The following RORA variants were observed in gnomAD, a reference collection of about 807,000 sequenced individuals.
The protein encoded by RORA is nuclear receptor ROR-alpha.
RORA carries 7 observed loss-of-function variants against 69.5 expected under a neutral mutation model. That is an observed-to-expected ratio of 0.10 (90% CI 0.06 to 0.19). The LOEUF (loss-of-function observed/expected upper bound fraction) is 0.19. Ranked by LOEUF, RORA falls within the 10% of genes least tolerant of loss-of-function variation. The pLI, the probability that RORA is intolerant of heterozygous loss-of-function variation, is 1.00. For synonymous variants in RORA, 261 were observed against 240.8 expected, an observed-to-expected ratio of 1.08 and a Z score of -0.78; for missense variants, 457 against 663.0, an observed-to-expected ratio of 0.69 and a Z score of 3.41.
intron 2 of RORA, among the ~76,000 whole-genome samples, chr15:60,654,621 G>A (rs964680741): frequency 5.9e-5 from 9 of 152,192 alleles, no homozygotes; most frequent in East Asian, 3.9e-4. Flanking sequence ...TTGCAGCTGT[G>A]ATTAAATTAA....
chr15:60,950,126 C>G (rs1205333165), intron 1 of RORA, among the ~76,000 whole-genome samples: 1 of 151,302 alleles, frequency 6.6e-6, no homozygotes, highest in Non-Finnish European at 1.5e-5. Flanking sequence ...AGAGTAGGGG[C>G]CAATATTCAA....
intron 1 of RORA, among the ~76,000 whole-genome samples, chr15:61,159,259 C>G (rs549200769): frequency 2.0e-5 from 3 of 152,278 alleles, no homozygotes; most frequent in South Asian, 4.2e-4. Flanking sequence ...CGAGACACAT[C>G]TCTCCCTATA....
intron 1 of RORA, among the ~76,000 whole-genome samples, chr15:60,780,919 T>C (rs1184363148): frequency 6.6e-6 from 1 of 152,228 alleles, no homozygotes; most frequent in Middle Eastern, 3.2e-3. Context: ...CCAGGGGTCA[T>C]GCAATCTTCC....
chr15:61,053,848 G>GATATATATAT (rs3053963), intron 1 of RORA, among the ~76,000 whole-genome samples: 3,025 of 90,712 alleles, frequency 0.033, 513 homozygotes, highest in Non-Finnish European at 0.04. Context: ...TAGACTTCAT[G>GATATATATAT]ATATATATAT....
At chr15:60,597,338 T>A (rs909248311) in intron 2 of RORA, among the ~76,000 whole-genome samples, 1 of 150,706 alleles carries the variant, frequency 6.6e-6, no homozygotes, top group Non-Finnish European at 1.5e-5. Flanking sequence ...TTCACAGGCA[T>A]ACAGAGCTGA....
intron 2 of RORA, among the ~76,000 whole-genome samples, chr15:60,640,098 G>A (rs1430875374): frequency 6.6e-6 from 1 of 152,174 alleles, no homozygotes; most frequent in Admixed American, 6.5e-5. Context: ...CTCTGAGCCT[G>A]AGAGTCCTCA....
At chr15:60,654,979 T>G (rs1488190650) in intron 2 of RORA, among the ~76,000 whole-genome samples, 1 of 152,200 alleles carries the variant, frequency 6.6e-6, no homozygotes, top group Non-Finnish European at 1.5e-5. Context: ...GTCCCGAGTT[T>G]GTGGTATTTT....
Position 60,644,541 on chromosome 15 carries a change from G to A in RORA, c.196+34116C>T, listed in dbSNP as rs116228990. On this transcript the variant is annotated intron_variant, in intron 2 of 10. Transcript: ENST00000335670. ...AAAAATTATGGAATATTTTTAAAACGGCAAAGTATTAACGTGTAAACATGC... is the reference window on the plus strand; with the variant it reads ...AAAAATTATGGAATATTTTTAAAACAGCAAAGTATTAACGTGTAAACATGC... Among the ~76,000 whole-genome samples the A allele has an allele frequency of 3.1e-3, 474 of 152,188 alleles. 2 individuals are homozygous for A. Among genetic ancestry groups the A allele is most frequent in the African/African-American group, 0.011 (441 of 41,518 alleles).
intron 1 of RORA, among the ~76,000 whole-genome samples, chr15:60,865,311 G>C (rs2073475704): frequency 6.6e-6 from 1 of 152,194 alleles, no homozygotes; most frequent in African/African-American, 2.4e-5. Flanking sequence ...AGATCTCCAA[G>C]GTCCATTTCA....
At position 61,085,236 on chromosome 15, in the gene RORA, T is replaced by C. The variant is rs1396809390; in HGVS notation, c.166+143817A>G. On this transcript the variant is annotated intron_variant, in intron 1 of 10. Coordinates refer to ENST00000335670, the MANE Select transcript of RORA (RefSeq NM_134261.3). ...GGGGACATCAGTCCCAAGTCGTCAC[T>C]CTTTCTGAGGCCACTGACATCCCCA... Among the ~76,000 whole-genome samples, 4 of 152,198 alleles carry C rather than the reference T, an allele frequency of 2.6e-5. No individual in the cohort carries two copies. The South Asian group carries it at 8.3e-4, about 31-fold the overall frequency.
intron 2 of RORA, among the ~76,000 whole-genome samples, chr15:60,543,961 G>C (rs754761402): frequency 4.6e-5 from 7 of 152,152 alleles, no homozygotes; most frequent in Non-Finnish European, 8.8e-5. Context: ...TTTCTTTCTA[G>C]GGAAAGCCCA....
chr15:60,532,351 T>TA (rs1490490075), intron 2 of RORA, among the ~76,000 whole-genome samples: 2 of 152,246 alleles, frequency 1.3e-5, no homozygotes, highest in Non-Finnish European at 2.9e-5. Flanking sequence ...CCTTATCTTT[T>TA]AAAAAATTAA....
chr15:60,661,575 AG>A (rs2070304951), intron 2 of RORA, among the ~76,000 whole-genome samples: 1 of 152,192 alleles, frequency 6.6e-6, no homozygotes, highest in Non-Finnish European at 1.5e-5. Flanking sequence ...GACCAGGTAA[AG>A]GGTTTCTCCC....
chr15:61,128,299 AT>A lies in RORA; in HGVS notation c.166+100753del, dbSNP rs2079160812. Among the ~76,000 whole-genome samples, 1 of 152,156 alleles carries A rather than the reference AT, an allele frequency of 6.6e-6. No individual in the cohort carries two copies. Among genetic ancestry groups the A allele is most frequent in the Non-Finnish European group, 1.5e-5 (1 of 68,034 alleles). On this transcript the variant is annotated intron_variant, in intron 1 of 10. Transcript: ENST00000335670. This position sits in a 1 kb window ranked among gnomAD's most constrained non-coding sequence, Gnocchi z 4.5. ...AAAACAGCAAATTGACCGGAGAATT[AT>A]TAGCTTACCTTTATTTTTTAAACTG...
chr15:60,836,971 G>A (rs1309642296), intron 1 of RORA, among the ~76,000 whole-genome samples: 1 of 151,434 alleles, frequency 6.6e-6, no homozygotes, highest in Non-Finnish European at 1.5e-5. Flanking sequence ...GCCTTTCCCT[G>A]TTGAAAAATC....
At chr15:60,939,104 C>A (rs975931965) in intron 1 of RORA, among the ~76,000 whole-genome samples, 2 of 152,228 alleles carry the variant, frequency 1.3e-5, no homozygotes, top group African/African-American at 2.4e-5. Context: ...CCCTCGGCAT[C>A]GCAGCTCCTG....
intron 1 of RORA, among the ~76,000 whole-genome samples, chr15:60,904,890 T>C (rs542032979): frequency 7.2e-5 from 11 of 152,118 alleles, no homozygotes; most frequent in Admixed American, 5.9e-4. Flanking sequence ...GTTGAAGACA[T>C]TGATACAGCT....
chr15:61,103,569 G>C (rs1013968076), intron 1 of RORA, among the ~76,000 whole-genome samples: 7 of 152,152 alleles, frequency 4.6e-5, no homozygotes, highest in Non-Finnish European at 5.9e-5. Context: ...TGCCCACAGA[G>C]TGTCTGGCTC....
At chr15:60,942,947 T>C (rs897357095) in intron 1 of RORA, among the ~76,000 whole-genome samples, 1 of 152,266 alleles carries the variant, frequency 6.6e-6, no homozygotes, top group African/African-American at 2.4e-5. Flanking sequence ...TGCAGCTCAC[T>C]GAAGGTCAAA....
Sources: gnomAD v4.1 joint callset for allele counts (sites outside exome capture counted in the v4.1 genomes callset) on GRCh38, gnomAD v4.1.1 for gene constraint, Gnocchi (gnomAD v3.1) non-coding constraint, MANE v1.5 for transcripts, NCBI Gene and HGNC (gene_info 2026-07-23, HGNC 2026-07-21) for gene names.